The following PPP1R16B variants were observed in gnomAD, a reference collection of about 807,000 sequenced individuals.
PPP1R16B encodes protein phosphatase 1 regulatory inhibitor subunit 16B.
Under a neutral mutation model 61.7 loss-of-function variants are expected in PPP1R16B, and 14 were observed. The ratio of observed to expected loss-of-function variants is 0.23; its 90% CI spans 0.15 to 0.35. The LOEUF (loss-of-function observed/expected upper bound fraction) is 0.35, where lower values mean the gene tolerates loss of function less well. Among genes scored for constraint, PPP1R16B ranks in the 10% least tolerant of loss-of-function variants. The pLI is 1.00. For missense variants in PPP1R16B, 547 were observed against 752.5 expected, an observed-to-expected ratio of 0.73 and a Z score of 3.19; for synonymous variants, 266 against 305.3, an observed-to-expected ratio of 0.87 and a Z score of 1.34.
intron 2 of PPP1R16B, among the ~76,000 whole-genome samples, chr20:38,853,782 G>A (rs2084984604): frequency 6.6e-6 from 1 of 152,206 alleles, no homozygotes; most frequent in Non-Finnish European, 1.5e-5. Flanking sequence ...ACAGGTAGCT[G>A]CTGGGTCAGC....
intron 1 of PPP1R16B, among the ~76,000 whole-genome samples, chr20:38,827,708 C>T (rs1343019627): frequency 3.3e-5 from 5 of 152,038 alleles, no homozygotes; most frequent in Non-Finnish European, 5.9e-5. Context: ...TTAGGGGAGA[C>T]AACATTGATT....
At chr20:38,916,090 ACTCGGTGGCT>A (rs1216687727) in intron 10 of PPP1R16B, among the ~76,000 whole-genome samples, 1 of 148,452 alleles carries the variant, frequency 6.7e-6, no homozygotes, top group Non-Finnish European at 1.5e-5. Context: ...AAAAGGTTGG[ACTCGGTGGCT>A]CATGCCTGTA....
At chr20:38,863,089 C>G (rs1241839629) in intron 2 of PPP1R16B, among the ~76,000 whole-genome samples, 2 of 152,112 alleles carry the variant, frequency 1.3e-5, no homozygotes, top group Admixed American at 1.3e-4. Context: ...CTCTCCCAGC[C>G]CAGAACTGAA....
chr20:38,811,098 A>T lies in PPP1R16B; in HGVS notation c.-102+5306A>T, dbSNP rs79947117. On this transcript the variant is annotated intron_variant, in intron 1 of 10. Transcript: ENST00000299824. ...TGTTCTTGGATGTCTCAGAATCTAG[A>T]ATGGCATTCCTTCGCCCACAGATGT... 1.8e-3 allele frequency among the ~76,000 whole-genome samples: 268 copies of T among 152,158 alleles called. 2 individuals carry two copies. The highest frequency in any genetic ancestry group is 6.3e-3 in the African/African-American group (262 of 41,492).
chr20:38,864,669 G>A (rs973156589), intron 2 of PPP1R16B, among the ~76,000 whole-genome samples: 3 of 152,162 alleles, frequency 2.0e-5, no homozygotes, highest in Non-Finnish European at 2.9e-5. Context: ...GTATAACAGA[G>A]GGAGTCACAG....
rs1431531680 is a variant in PPP1R16B at position 38,918,699 on chromosome 20, G to A, written c.*33G>A. On this transcript the variant is annotated 3_prime_UTR_variant, in exon 11 of 11. Coordinates refer to ENST00000299824, the MANE Select transcript of PPP1R16B (RefSeq NM_015568.4). This position sits in a 1 kb window ranked among gnomAD's most constrained non-coding sequence, Gnocchi z 5.3. ...GTGATGGAGGAGGGAGATGCCTGGGGAGGGGCTCCTGGAATCCAGGCCAGC... is the reference window on the plus strand; with the variant it reads ...GTGATGGAGGAGGGAGATGCCTGGGAAGGGGCTCCTGGAATCCAGGCCAGC... The A allele has an allele frequency of 2.0e-6, 3 of 1,490,194 alleles. No individual in the cohort carries two copies. Among genetic ancestry groups the A allele is most frequent in the African/African-American group, 2.8e-5 (2 of 71,504 alleles). 92.3% of individuals were successfully genotyped at this position (1,490,194 alleles called of 1,614,324 possible).
chr20:38,900,522 G>T, intron 4 of PPP1R16B, 59 bp from the exon 5 acceptor site: 1 of 1,381,238 alleles, frequency 7.2e-7, no homozygotes, highest in Non-Finnish European at 1.0e-6. Flanking sequence ...GAGGGCAGAG[G>T]CAGCTAGACC....
At chr20:38,898,909 A>G (rs1210054246) in intron 4 of PPP1R16B, among the ~76,000 whole-genome samples, 2 of 152,152 alleles carry the variant, frequency 1.3e-5, no homozygotes, top group Non-Finnish European at 2.9e-5. Flanking sequence ...CCTAAATAAT[A>G]ATTGGTATCA....
At chr20:38,847,481 C>T (rs891247389) in intron 2 of PPP1R16B, among the ~76,000 whole-genome samples, 1 of 152,062 alleles carries the variant, frequency 6.6e-6, no homozygotes, top group Non-Finnish European at 1.5e-5. Flanking sequence ...CTCAGCCTCC[C>T]GAGTAGCTAA....
Position 38,836,148 on chromosome 20 carries a change from G to T in PPP1R16B, c.223G>T (p.Ala75Ser). Residue 75 changes from alanine to serine, a missense_variant, in exon 2 of 11, where the codon GCC (alanine) becomes TCC (serine). Physicochemically the swap from Ala to Ser is moderately conservative, Grantham distance 99. Transcript: ENST00000299824. ...SFEASVALLE[A>S]SLRNDAEEVR... ...CGAGGCCAGCGTGGCCCTGCTGGAG[G>T]CCTCGCTGAGGAACGACGCCGAGGA... 1 of 1,611,326 alleles carries T rather than the reference G, an allele frequency of 6.2e-7. No homozygotes were observed. The highest frequency in any genetic ancestry group is 1.1e-5 in the South Asian group (1 of 91,024).
chr20:38,807,825 C>T (rs191034685), intron 1 of PPP1R16B, among the ~76,000 whole-genome samples: 2 of 152,198 alleles, frequency 1.3e-5, no homozygotes, highest in East Asian at 3.9e-4. Context: ...CTTCTTTCCC[C>T]TCTTTTGGTC....
chr20:38,832,634 A>G (rs1353623594), intron 1 of PPP1R16B, among the ~76,000 whole-genome samples: 1 of 152,198 alleles, frequency 6.6e-6, no homozygotes, highest in East Asian at 1.9e-4. Context: ...AAAAGTAAAC[A>G]TGTGCCAGGC....
intron 2 of PPP1R16B, among the ~76,000 whole-genome samples, chr20:38,888,359 A>G (rs963625743): frequency 1.3e-5 from 2 of 152,194 alleles, no homozygotes; most frequent in Non-Finnish European, 2.9e-5. Flanking sequence ...TGTGTATTCA[A>G]GTTCGTCCAC....
At chr20:38,817,932 T>C (rs185144856) in intron 1 of PPP1R16B, among the ~76,000 whole-genome samples, 76 of 152,346 alleles carry the variant, frequency 5.0e-4, no homozygotes, top group African/African-American at 1.6e-3. Context: ...TAGTCCCAGC[T>C]GCTCGGGAGG....
intron 1 of PPP1R16B, among the ~76,000 whole-genome samples, chr20:38,826,319 G>A (rs548815168): frequency 9.8e-5 from 15 of 152,312 alleles, no homozygotes; most frequent in African/African-American, 3.4e-4. Context: ...AGGCTGTTTG[G>A]TTTAGCACCG....
Position 38,918,351 on chromosome 20 carries a change from C to A in PPP1R16B, c.1389C>A (p.Ala463=). The change falls in exon 11 of 11, where the codon GCC becomes GCA. Residue 463 remains alanine, a synonymous_variant. Transcript: ENST00000299824. This position sits in a 1 kb window ranked among gnomAD's most constrained non-coding sequence, Gnocchi z 5.3. ...YSMAYGNPGV[A]DATPPWSSYK... ...TGGCCTATGGCAACCCTGGCGTGGC[C>A]GACGCCACCCCGCCCTGGAGCAGCT... 1 of 1,614,124 alleles carries A rather than the reference C, an allele frequency of 6.2e-7. No homozygotes were observed. The highest frequency in any genetic ancestry group is 8.5e-7 in the Non-Finnish European group (1 of 1,180,022).
chr20:38,906,681 C>G (rs374910210), intron 7 of PPP1R16B, among the ~76,000 whole-genome samples: 17 of 152,286 alleles, frequency 1.1e-4, no homozygotes, highest in African/African-American at 3.8e-4. Context: ...TTTCCAGATA[C>G]AAAACTCTGA....
At chr20:38,898,526 T>C (rs188975731) in intron 4 of PPP1R16B, among the ~76,000 whole-genome samples, 4 of 152,224 alleles carry the variant, frequency 2.6e-5, no homozygotes, top group Admixed American at 1.3e-4. Context: ...AAAAACATCA[T>C]TGGAGATTAC....
At chr20:38,870,732 C>T (rs554289206) in intron 2 of PPP1R16B, among the ~76,000 whole-genome samples, 79 of 152,224 alleles carry the variant, frequency 5.2e-4, no homozygotes, top group African/African-American at 1.8e-3. Flanking sequence ...CAAGCAGGAC[C>T]GGAGACATGA....
Sources: allele counts gnomAD v4.1 joint callset (sites outside exome capture counted in the v4.1 genomes callset), GRCh38; gene constraint gnomAD v4.1.1; non-coding constraint Gnocchi (gnomAD v3.1); transcripts MANE v1.5; gene names NCBI Gene and HGNC (gene_info 2026-07-23, HGNC 2026-07-21).